TBC1D5: variants seen among roughly 807,000 people sequenced by gnomAD.
TBC1D5 encodes TBC1 domain family, member 5.
A neutral mutation model predicts 100.3 loss-of-function variants in TBC1D5; 75 were observed. The ratio of observed to expected loss-of-function variants is 0.75; its 90% CI spans 0.62 to 0.91. TBC1D5 has a LOEUF of 0.91. Among genes scored for constraint, TBC1D5 ranks in the 40% least tolerant of loss-of-function variants. TBC1D5 has a pLI of 0.00. For missense variants in TBC1D5, 910 were observed against 942.4 expected, an observed-to-expected ratio of 0.97 and a Z score of 0.45; for synonymous variants, 323 against 325.6, an observed-to-expected ratio of 0.99 and a Z score of 0.09.
rs184688117 is a variant in TBC1D5 at position 17,472,452 on chromosome 3, G to C, written c.97+36022C>G. Among the ~76,000 whole-genome samples the C allele has an allele frequency of 1.2e-3, 190 of 152,186 alleles. No individual in the cohort carries two copies. In the Middle Eastern group the frequency reaches 0.014, roughly 11 times the overall value. ...AAGGGAGATTTTTTACTACACAAAT[G>C]AGGGCTTTTCTACTTCATATCTTCT... On this transcript the variant is annotated intron_variant, in intron 3 of 21. Coordinates refer to ENST00000253692, the Ensembl canonical transcript of TBC1D5.
At chr3:17,738,285 TTGA>T (rs1316421623) in intron 1 of TBC1D5, among the ~76,000 whole-genome samples, 1 of 152,206 alleles carries the variant, frequency 6.6e-6, no homozygotes, top group Non-Finnish European at 1.5e-5. Flanking sequence ...ATAGTCAGTC[TTGA>T]TTATATAGAT....
At chr3:17,441,224 AAT>A in intron 3 of TBC1D5, among the ~76,000 whole-genome samples, 1 of 152,350 alleles carries the variant, frequency 6.6e-6, no homozygotes, top group Middle Eastern at 3.4e-3. Context: ...CCAGACACAT[AAT>A]TCCAGTCCTA....
rs138628547 is a variant in TBC1D5, at chr3:17,538,809, C to T, written c.-35-30204G>A. On this transcript the variant is annotated intron_variant, in intron 2 of 21. Transcript: ENST00000253692. ...ATCCCAGTATCTTGGGAGGCTAAGGCAGGCGGATCACTTGAGGCCAGGAGT... is the reference window on the plus strand; with the variant it reads ...ATCCCAGTATCTTGGGAGGCTAAGGTAGGCGGATCACTTGAGGCCAGGAGT... Among the ~76,000 whole-genome samples the T allele has an allele frequency of 2.7e-3, 411 of 152,324 alleles. 2 individuals are homozygous for T. Among genetic ancestry groups the T allele is most frequent in the Non-Finnish European group, 4.5e-3 (305 of 68,020 alleles).
intron 2 of TBC1D5, among the ~76,000 whole-genome samples, chr3:17,595,882 G>C (rs1271430295): frequency 6.6e-6 from 1 of 152,166 alleles, no homozygotes; most frequent in African/African-American, 2.4e-5. Context: ...TACCTTGCTA[G>C]AAGTGTTAAC....
chr3:17,260,579 T>C (rs1430193616), intron 15 of TBC1D5, among the ~76,000 whole-genome samples: 1 of 152,214 alleles, frequency 6.6e-6, no homozygotes, highest in Non-Finnish European at 1.5e-5. Context: ...AAAGATGATG[T>C]TGAAAAACAG....
intron 16 of TBC1D5, among the ~76,000 whole-genome samples, chr3:17,240,207 T>G (rs1475367160): frequency 6.6e-6 from 1 of 152,182 alleles, no homozygotes; most frequent in Non-Finnish European, 1.5e-5. Flanking sequence ...CTAGCTAATG[T>G]TATGGGCTAG....
At chr3:17,497,000 T>C (rs979607201) in intron 3 of TBC1D5, among the ~76,000 whole-genome samples, 1 of 152,066 alleles carries the variant, frequency 6.6e-6, no homozygotes, top group Non-Finnish European at 1.5e-5. Context: ...CAGTTCCCTA[T>C]GTATGACAAG....
chr3:17,360,544 C>T (rs1307816970), intron 13 of TBC1D5, among the ~76,000 whole-genome samples: 1 of 151,924 alleles, frequency 6.6e-6, no homozygotes, highest in African/African-American at 2.4e-5. Context: ...TATCAGTTTT[C>T]AGCGCATCAG....
intron 1 of TBC1D5, among the ~76,000 whole-genome samples, chr3:17,667,132 G>A (rs1008390723): frequency 3.2e-4 from 48 of 152,300 alleles, no homozygotes; most frequent in African/African-American, 1.1e-3. Context: ...CTTTGTAAAT[G>A]AGATGCATTT....
At chr3:17,385,017 G>T (rs547650052) in intron 8 of TBC1D5, among the ~76,000 whole-genome samples, 1 of 152,108 alleles carries the variant, frequency 6.6e-6, no homozygotes, top group East Asian at 1.9e-4. Flanking sequence ...ATAATAAAGT[G>T]AAATTTAAAA....
intron 3 of TBC1D5, among the ~76,000 whole-genome samples, chr3:17,491,267 C>A (rs1343912573): frequency 6.6e-6 from 1 of 152,100 alleles, no homozygotes; most frequent in Non-Finnish European, 1.5e-5. Context: ...CAAAGATAGT[C>A]TGACTTCCTC....
At chr3:17,710,525 T>G (rs186905529) in intron 1 of TBC1D5, among the ~76,000 whole-genome samples, 1 of 151,732 alleles carries the variant, frequency 6.6e-6, no homozygotes, top group African/African-American at 2.4e-5. Context: ...GATCGTGCCA[T>G]TGGGCTCCAG....
chr3:17,397,011 A>G (rs532872982), intron 8 of TBC1D5, among the ~76,000 whole-genome samples: 1 of 152,154 alleles, frequency 6.6e-6, no homozygotes, highest in Non-Finnish European at 1.5e-5. Context: ...CAGTATATAC[A>G]GTAGCCATTA....
exon 22 of TBC1D5, chr3:17,160,897 C>G: frequency 6.5e-7 from 1 of 1,544,900 alleles, no homozygotes; most frequent in Admixed American, 1.9e-5. Flanking sequence ...CTGGATGAGC[C>G]TCAGTCTGGC....
At chr3:17,254,766 T>TC (rs746122732) in intron 16 of TBC1D5, among the ~76,000 whole-genome samples, 6 of 73,238 alleles carry the variant, frequency 8.2e-5, no homozygotes, top group African/African-American at 3.3e-4. Context: ...GTGGCGGGGG[T>TC]GGGGGGGGGG....
chr3:17,562,666 G>A (rs2096567218), intron 2 of TBC1D5, among the ~76,000 whole-genome samples: 1 of 152,184 alleles, frequency 6.6e-6, no homozygotes, highest in African/African-American at 2.4e-5. Flanking sequence ...GGCAACAACA[G>A]TCTTGGTGCA....
chr3:17,399,994 C>T (rs773561194), intron 8 of TBC1D5, among the ~76,000 whole-genome samples: 1 of 152,070 alleles, frequency 6.6e-6, no homozygotes, highest in Non-Finnish European at 1.5e-5. Context: ...TACTCTCCTT[C>T]TAGCTATCTA....
chr3:17,661,043 C>T (rs1054203927), intron 1 of TBC1D5, among the ~76,000 whole-genome samples: 2 of 152,200 alleles, frequency 1.3e-5, no homozygotes, highest in Middle Eastern at 3.4e-3. Context: ...CATGTATAAG[C>T]TAGTTTAATC....
chr3:17,462,112 T>A (rs890527587), intron 3 of TBC1D5, among the ~76,000 whole-genome samples: 6 of 152,108 alleles, frequency 3.9e-5, no homozygotes, highest in Non-Finnish European at 7.4e-5. Flanking sequence ...TTAAATCTTT[T>A]CAAAAAATAT....
Sources: gnomAD v4.1 joint callset for allele counts (sites outside exome capture counted in the v4.1 genomes callset) on GRCh38, gnomAD v4.1.1 for gene constraint, MANE v1.5 for transcripts, NCBI Gene and HGNC (gene_info 2026-07-23, HGNC 2026-07-21) for gene names.